CLDN10: variants seen among roughly 807,000 people sequenced by gnomAD.
CLDN10 encodes the protein claudin 10.
A neutral mutation model predicts 22.9 loss-of-function variants in CLDN10; 15 were observed. The ratio of observed to expected loss-of-function variants is 0.65; its 90% CI spans 0.44 to 1.01. The LOEUF (loss-of-function observed/expected upper bound fraction) is 1.01. Ranked by LOEUF, CLDN10 falls within the 50% of genes least tolerant of loss-of-function variation. The probability of loss-of-function intolerance (pLI) is 0.00; values close to 1 mark genes in which losing one functional copy is unlikely to be tolerated. For synonymous variants in CLDN10, 114 were observed against 111.4 expected (o/e 1.02, Z -0.15); for missense variants, 247 against 287.8 (o/e 0.86, Z 1.03).
In CLDN10 at chr13:95,560,092, A is replaced by G. The variant is rs766044595; in HGVS notation, c.221-40A>G. Reference sequence around the variant, plus strand: ...AATGAGGATTTCTCCCTGGACAGCCACATGCTTTATGTAACGTAAATGACC... The same window carrying G: ...AATGAGGATTTCTCCCTGGACAGCCGCATGCTTTATGTAACGTAAATGACC... On this transcript the variant is annotated intron_variant, in intron 1 of 4. Coordinates refer to ENST00000299339, the MANE Select transcript of CLDN10 (RefSeq NM_006984.5). 4.5e-6 allele frequency: 7 copies of G among 1,558,364 alleles called. No homozygotes were observed. In the Admixed American group the frequency reaches 1.1e-4, roughly 25 times the overall value.
intron 3 of CLDN10, among the ~76,000 whole-genome samples, chr13:95,573,363 T>G (rs1252874233): frequency 3.3e-5 from 5 of 152,238 alleles, no homozygotes; most frequent in African/African-American, 1.2e-4. Context: ...CAGTGTCATG[T>G]AGATTTGCAA....
At chr13:95,513,484 C>A (rs750837016) in intron 1 of CLDN10, among the ~76,000 whole-genome samples, 2 of 152,200 alleles carry the variant, frequency 1.3e-5, no homozygotes, top group Non-Finnish European at 2.9e-5. Flanking sequence ...ACCCCTCTAA[C>A]AAACGCTTCC....
chr13:95,465,088 C>T (rs1013668747), intron 1 of CLDN10, among the ~76,000 whole-genome samples: 8 of 152,144 alleles, frequency 5.3e-5, no homozygotes, highest in African/African-American at 1.9e-4. Context: ...CACAGTTCTA[C>T]GTGACTGGGG....
intron 1 of CLDN10, among the ~76,000 whole-genome samples, chr13:95,475,906 C>T (rs1219900919): frequency 2.0e-5 from 3 of 152,102 alleles, no homozygotes; most frequent in Non-Finnish European, 4.4e-5. Flanking sequence ...CTGTGATGAG[C>T]ACCATGGCTC....
At chr13:95,551,095 T>C (rs1330523803), upstream of CLDN10, among the ~76,000 whole-genome samples, 2 of 152,084 alleles carry the variant, frequency 1.3e-5, no homozygotes, top group Non-Finnish European at 2.9e-5. Context: ...TTGTCACCCT[T>C]GTACCCATTC....
chr13:95,524,153 A>G (rs955124152), intron 1 of CLDN10, among the ~76,000 whole-genome samples: 151 of 98,554 alleles, frequency 1.5e-3, no homozygotes, highest in African/African-American at 5.8e-3. Flanking sequence ...TAACATTTTT[A>G]TCTCTGATTT....
upstream of CLDN10, among the ~76,000 whole-genome samples, chr13:95,551,525 T>TA (rs35829461): frequency 0.016 from 2,371 of 146,218 alleles, 66 homozygotes; most frequent in African/African-American, 0.055. Context: ...CCCATTTGGT[T>TA]AAAAAAAAAA....
chr13:95,481,851 C>T (rs976498622), intron 1 of CLDN10, among the ~76,000 whole-genome samples: 3 of 152,094 alleles, frequency 2.0e-5, no homozygotes, highest in African/African-American at 7.2e-5. Flanking sequence ...AAAACCCCAT[C>T]TCTACTAAAA....
At chr13:95,563,859 G>T (rs535805597) in intron 3 of CLDN10, among the ~76,000 whole-genome samples, 1 of 152,222 alleles carries the variant, frequency 6.6e-6, no homozygotes, top group Non-Finnish European at 1.5e-5. Context: ...CTAGTAGAGG[G>T]GATAAAAACT....
chr13:95,458,180 G>T (rs940318074), intron 1 of CLDN10, among the ~76,000 whole-genome samples: 1 of 152,190 alleles, frequency 6.6e-6, no homozygotes, highest in African/African-American at 2.4e-5. Context: ...TGGTTGTGTA[G>T]ACCTCTGATT....
At chr13:95,530,791 A>G (rs1452233097) in intron 1 of CLDN10, among the ~76,000 whole-genome samples, 2 of 152,200 alleles carry the variant, frequency 1.3e-5, no homozygotes, top group Non-Finnish European at 1.5e-5. Context: ...ACAGTCAAAG[A>G]ATTATTTTCT....
At chr13:95,481,772 C>A (rs989304914) in intron 1 of CLDN10, among the ~76,000 whole-genome samples, 2 of 152,176 alleles carry the variant, frequency 1.3e-5, no homozygotes, top group African/African-American at 4.8e-5. Context: ...GTAATCCCAG[C>A]ATTTTGGGAA....
At chr13:95,442,029 T>G (rs140801771) in intron 1 of CLDN10, among the ~76,000 whole-genome samples, 29 of 152,130 alleles carry the variant, frequency 1.9e-4, no homozygotes, top group Admixed American at 4.6e-4. Flanking sequence ...TGGGCACCTA[T>G]AGTCCCAGCT....
At chr13:95,528,384 A>C (rs1198950586) in intron 1 of CLDN10, 1 of 152,286 alleles carries the variant, frequency 6.6e-6, no homozygotes, top group African/African-American at 2.4e-5. Context: ...CTCCCCAGCC[A>C]TGTGGAACTG....
chr13:95,499,724 A>G (rs1454055698), intron 1 of CLDN10, among the ~76,000 whole-genome samples: 4 of 152,102 alleles, frequency 2.6e-5, no homozygotes, highest in Non-Finnish European at 4.4e-5. Flanking sequence ...GGGGTGATAA[A>G]TGGAATCAGC....
chr13:95,518,122 A>G (rs72651904), intron 1 of CLDN10, among the ~76,000 whole-genome samples: 22 of 152,268 alleles, frequency 1.4e-4, no homozygotes, highest in Non-Finnish European at 2.2e-4. Context: ...TGATTTTCTC[A>G]CCTGAAAAAT....
intron 1 of CLDN10, among the ~76,000 whole-genome samples, chr13:95,540,657 A>C (rs903520259): frequency 3.3e-5 from 5 of 152,202 alleles, no homozygotes; most frequent in Non-Finnish European, 5.9e-5. Flanking sequence ...AGTGGCTCGG[A>C]CTGGGAAATG....
At chr13:95,562,312 A>C (rs1282088426) in intron 3 of CLDN10, among the ~76,000 whole-genome samples, 1 of 151,822 alleles carries the variant, frequency 6.6e-6, no homozygotes, top group Non-Finnish European at 1.5e-5. Flanking sequence ...ATCTTCAATG[A>C]TCCTCCTCCC....
intron 1 of CLDN10, among the ~76,000 whole-genome samples, chr13:95,475,676 C>T (rs896376342): frequency 2.0e-5 from 3 of 152,218 alleles, no homozygotes; most frequent in African/African-American, 4.8e-5. Flanking sequence ...ATTCCCACCT[C>T]ATCCTCCAGC....
Sources: allele counts gnomAD v4.1 joint callset (sites outside exome capture counted in the v4.1 genomes callset), GRCh38; gene constraint gnomAD v4.1.1; transcripts MANE v1.5; gene names NCBI Gene and HGNC (gene_info 2026-07-23, HGNC 2026-07-21).